Variants in NPAS3 observed in about 807,000 individuals in gnomAD.
NPAS3 encodes neuronal PAS domain protein 3.
NPAS3 carries 14 observed loss-of-function variants against 73.1 expected under a neutral mutation model. That is an observed-to-expected ratio of 0.19 (90% CI 0.13 to 0.30). NPAS3 has a LOEUF of 0.30. NPAS3 is among the 10% of genes least tolerant of loss of function. The pLI is 1.00. For synonymous variants in NPAS3, 620 were observed against 541.5 expected (o/e 1.14, Z -2.01); for missense variants, 1,096 against 1,250.0 (o/e 0.88, Z 1.86).
intron 5 of NPAS3, among the ~76,000 whole-genome samples, chr14:33,583,845 C>T (rs986991381): frequency 3.2e-4 from 48 of 152,118 alleles, no homozygotes; most frequent in African/African-American, 1.2e-3. Context: ...TTTGCCATAG[C>T]TGAGAATGGT....
rs537851131 is a variant in NPAS3, at chr14:33,128,490, A to C, written c.140+72496A>C. 3.9e-5 allele frequency among the ~76,000 whole-genome samples: 6 copies of C among 152,286 alleles called. No individual in the cohort carries two copies. In the East Asian group the frequency reaches 7.7e-4, roughly 20 times the overall value. On this transcript the variant is annotated intron_variant, in intron 2 of 11. Coordinates refer to ENST00000356141, the Ensembl canonical transcript of NPAS3. ...GTTGTATAAAGATACCAATTTTATG[A>C]CTAAAATACTATTCGAACAGAATAA... is the stretch of plus-strand genomic sequence containing the variant.
At chr14:33,366,124 G>A (rs1387462303) in intron 3 of NPAS3, among the ~76,000 whole-genome samples, 2 of 152,042 alleles carry the variant, frequency 1.3e-5, no homozygotes, top group Non-Finnish European at 2.9e-5. Flanking sequence ...CCTCACTTTT[G>A]ATTTCTGTAC....
chr14:33,353,838 A>G (rs1409190831), intron 3 of NPAS3, among the ~76,000 whole-genome samples: 3 of 152,116 alleles, frequency 2.0e-5, no homozygotes, highest in Admixed American at 2.0e-4. Flanking sequence ...GTTTTGGGGG[A>G]ACAATGATGG....
intron 5 of NPAS3, among the ~76,000 whole-genome samples, chr14:33,562,130 G>T (rs1033536737): frequency 5.3e-5 from 8 of 152,166 alleles, no homozygotes; most frequent in African/African-American, 1.9e-4. Context: ...GCGGCCATCT[G>T]AAATATCATC....
At chr14:33,666,225 A>G (rs953475794) in intron 5 of NPAS3, among the ~76,000 whole-genome samples, 7 of 152,198 alleles carry the variant, frequency 4.6e-5, no homozygotes, top group African/African-American at 1.7e-4. Flanking sequence ...TCCTAGGCTT[A>G]GTCCAAGAAG....
At chr14:33,194,061 A>C (rs2046262672) in intron 2 of NPAS3, among the ~76,000 whole-genome samples, 1 of 152,232 alleles carries the variant, frequency 6.6e-6, no homozygotes, top group African/African-American at 2.4e-5. Context: ...AACCAAAGGC[A>C]ATCATTTCAA....
At chr14:33,597,953 C>T (rs544528221) in intron 5 of NPAS3, among the ~76,000 whole-genome samples, 4 of 152,216 alleles carry the variant, frequency 2.6e-5, no homozygotes, top group Admixed American at 6.5e-5. Context: ...TATACCCATG[C>T]TTCCTCCAAA....
At chr14:33,358,612 C>A (rs937603599) in intron 3 of NPAS3, among the ~76,000 whole-genome samples, 7 of 152,282 alleles carry the variant, frequency 4.6e-5, no homozygotes, top group Non-Finnish European at 7.4e-5. Context: ...CCACCTCCAT[C>A]CTGAGTTGAG....
At chr14:33,680,233 A>T (rs957198100) in intron 6 of NPAS3, among the ~76,000 whole-genome samples, 6 of 152,316 alleles carry the variant, frequency 3.9e-5, no homozygotes, top group Non-Finnish European at 8.8e-5. Flanking sequence ...AATGCTTAGT[A>T]AACAGAAAAG....
chr14:33,701,566 G>T (rs2060523630), intron 6 of NPAS3, among the ~76,000 whole-genome samples: 1 of 152,148 alleles, frequency 6.6e-6, no homozygotes, highest in South Asian at 2.1e-4. Flanking sequence ...TTTCATTAAT[G>T]TCACTAATTT....
intron 4 of NPAS3, among the ~76,000 whole-genome samples, chr14:33,408,499 G>A (rs773015310): frequency 6.6e-6 from 1 of 151,810 alleles, no homozygotes; most frequent in Non-Finnish European, 1.5e-5. Context: ...ATGATCAAAT[G>A]CCTGTATATC....
intron 5 of NPAS3, among the ~76,000 whole-genome samples, chr14:33,649,985 A>G (rs142417037): frequency 8.7e-4 from 132 of 152,294 alleles, no homozygotes; most frequent in Middle Eastern, 3.4e-3. Context: ...TCAGACTTTA[A>G]CAGGAGAGGA....
At chr14:33,692,747 G>T (rs56110150) in intron 6 of NPAS3, among the ~76,000 whole-genome samples, 32,235 of 148,154 alleles carry the variant, frequency 0.22, 3,734 homozygotes, top group South Asian at 0.27. Flanking sequence ...CTTATTTGGG[G>T]TATTTGTGTG....
At position 33,777,573 on chromosome 14, in the gene NPAS3, C is replaced by T. The variant is rs931939392; in HGVS notation, c.1047-893C>T. 4.8e-5 allele frequency among the ~76,000 whole-genome samples: 7 copies of T among 146,666 alleles called. No individual in the cohort carries two copies. The East Asian group carries it at 1.4e-3, about 29-fold the overall frequency. ...TGCCGTAAGTCATAAAAAAAAAAAACACATGAAGAGTAAAGAGAATAAATT... is the reference window on the plus strand; with the variant it reads ...TGCCGTAAGTCATAAAAAAAAAAAATACATGAAGAGTAAAGAGAATAAATT... On this transcript the variant is annotated intron_variant, in intron 8 of 11. Transcript: ENST00000356141.
intron 4 of NPAS3, among the ~76,000 whole-genome samples, chr14:33,510,198 C>A (rs2052978543): frequency 6.6e-6 from 1 of 152,024 alleles, no homozygotes; most frequent in Non-Finnish European, 1.5e-5. Context: ...TGAAATGAAG[C>A]ACAGCAGGTG....
intron 4 of NPAS3, among the ~76,000 whole-genome samples, chr14:33,519,183 T>C (rs778540556): frequency 6.6e-6 from 1 of 152,148 alleles, no homozygotes; most frequent in Non-Finnish European, 1.5e-5. Context: ...CAGTTTCAAC[T>C]GTTTCGCTGG....
At chr14:33,793,187 G>T (rs2063411976) in intron 9 of NPAS3, among the ~76,000 whole-genome samples, 1 of 152,172 alleles carries the variant, frequency 6.6e-6, no homozygotes, top group Admixed American at 6.5e-5. Flanking sequence ...TTCATTTGGG[G>T]CCATATTTCA....
intron 4 of NPAS3, among the ~76,000 whole-genome samples, chr14:33,558,318 T>C (rs1487431285): frequency 6.6e-6 from 1 of 152,064 alleles, no homozygotes; most frequent in Non-Finnish European, 1.5e-5. Context: ...TGGAGTACAG[T>C]GGCGTGATCT....
intron 4 of NPAS3, among the ~76,000 whole-genome samples, chr14:33,496,160 T>A (rs967372998): frequency 6.6e-6 from 1 of 152,042 alleles, no homozygotes. Flanking sequence ...AGAAATCGAA[T>A]CCCTGAATAG....
Sources: allele counts gnomAD v4.1 joint callset (sites outside exome capture counted in the v4.1 genomes callset), GRCh38; gene constraint gnomAD v4.1.1; transcripts MANE v1.5; gene names NCBI Gene and HGNC (gene_info 2026-07-23, HGNC 2026-07-21).